Variants in TNR observed in about 807,000 individuals in gnomAD.
The protein encoded by TNR is tenascin R.
TNR carries 45 observed loss-of-function variants against 150.4 expected under a neutral mutation model. The ratio of observed to expected loss-of-function variants is 0.30; its 90% confidence interval spans 0.24 to 0.38. TNR has a LOEUF of 0.38. TNR is among the 10% of genes least tolerant of loss of function. The probability of loss-of-function intolerance (pLI) is 1.00; values close to 1 mark genes in which losing one functional copy is unlikely to be tolerated. For missense variants in TNR, 1,544 were observed against 1,759.1 expected (o/e 0.88, Z 2.19); for synonymous variants, 687 against 678.4 (o/e 1.01, Z -0.20).
chr1:175,663,318 G>A (rs1424955324), intron 1 of TNR, among the ~76,000 whole-genome samples: 1 of 152,194 alleles, frequency 6.6e-6, no homozygotes, highest in African/African-American at 2.4e-5. Context: ...TTCATTCCCA[G>A]GAGGAGTATG....
At chr1:175,653,291 C>A (rs988493280) in intron 1 of TNR, among the ~76,000 whole-genome samples, 2 of 152,172 alleles carry the variant, frequency 1.3e-5, no homozygotes, top group Non-Finnish European at 2.9e-5. Flanking sequence ...ACGTAGCCAA[C>A]GCATAGCATG....
intron 2 of TNR, among the ~76,000 whole-genome samples, chr1:175,465,834 T>A (rs1390543904): frequency 6.6e-6 from 1 of 152,140 alleles, no homozygotes; most frequent in African/African-American, 2.4e-5. Context: ...CAAGCCCCCC[T>A]CCTCTTATAA....
chr1:175,508,513 A>T (rs570775853), intron 2 of TNR, among the ~76,000 whole-genome samples: 3 of 152,266 alleles, frequency 2.0e-5, no homozygotes, highest in East Asian at 1.9e-4. Context: ...CACTTTTAAG[A>T]CTGGGTTATA....
intron 2 of TNR, among the ~76,000 whole-genome samples, chr1:175,425,073 G>T (rs543021330): frequency 1.3e-5 from 2 of 152,116 alleles, no homozygotes; most frequent in Non-Finnish European, 2.9e-5. Context: ...GCTCAGATTT[G>T]TGGATGCTAT....
intron 2 of TNR, among the ~76,000 whole-genome samples, chr1:175,439,248 A>G (rs1434567178): frequency 6.6e-6 from 1 of 152,080 alleles, no homozygotes; most frequent in Non-Finnish European, 1.5e-5. Flanking sequence ...GATCTTTGAC[A>G]AACCTGAGAA....
intron 2 of TNR, among the ~76,000 whole-genome samples, chr1:175,466,551 T>C (rs1657043360): frequency 6.6e-6 from 1 of 152,188 alleles, no homozygotes; most frequent in African/African-American, 2.4e-5. Context: ...TCTGTTCAGT[T>C]ACTGGGCCCT....
At chr1:175,446,715 C>T (rs965816014) in intron 2 of TNR, among the ~76,000 whole-genome samples, 2 of 152,104 alleles carry the variant, frequency 1.3e-5, no homozygotes, top group African/African-American at 4.8e-5. Flanking sequence ...AAATCTCGTT[C>T]TTGGTGCTCA....
chr1:175,573,344 G>A (rs1398181691), intron 1 of TNR, among the ~76,000 whole-genome samples: 2 of 152,252 alleles, frequency 1.3e-5, no homozygotes, highest in Non-Finnish European at 2.9e-5. Context: ...CAGGAAGCAG[G>A]GAGGTGAGGT....
chr1:175,326,106 G>A (rs1326437353), intron 21 of TNR, among the ~76,000 whole-genome samples: 1 of 152,170 alleles, frequency 6.6e-6, no homozygotes, highest in East Asian at 1.9e-4. Flanking sequence ...ACTGCTTAAA[G>A]AGGTGGTGAG....
At chr1:175,685,902 G>A (rs917342616) in intron 1 of TNR, among the ~76,000 whole-genome samples, 1 of 151,088 alleles carries the variant, frequency 6.6e-6, no homozygotes, top group Admixed American at 6.6e-5. Flanking sequence ...GTGTTGCTCA[G>A]AGATTTCATC....
Position 175,403,202 on chromosome 1 carries a change from C to T in TNR, c.914G>A (p.Gly305Glu), listed in dbSNP as rs1166454033. ...RQCLNACSGR[G>E]QCEEGLCVCE... The stretch of plus-strand genomic sequence containing the variant: ...GACGCAGAGCCCCTCCTCACATTGT[C>T]CTCGCCCACTGCAGGCATTCAGACA... Residue 305 changes from glycine to glutamate, a missense_variant, in exon 4 of 23, where the codon GGA (glycine) becomes GAA (glutamate). Physicochemically the swap from Gly to Glu is moderately conservative, Grantham distance 98. Transcript: ENST00000367674. 6.2e-7 allele frequency: 1 copy of T among 1,614,096 alleles called. No homozygotes were observed. The highest frequency in any genetic ancestry group is 2.2e-5 in the East Asian group (1 of 44,874).
At chr1:175,486,224 A>T (rs1658005597) in intron 2 of TNR, among the ~76,000 whole-genome samples, 1 of 151,644 alleles carries the variant, frequency 6.6e-6, no homozygotes, top group South Asian at 2.1e-4. Flanking sequence ...TGCTGCACCC[A>T]TCAACCCATC....
chr1:175,495,482 G>A (rs1199096716), intron 2 of TNR, among the ~76,000 whole-genome samples: 1 of 152,162 alleles, frequency 6.6e-6, no homozygotes, highest in African/African-American at 2.4e-5. Context: ...AGCTTTGTTA[G>A]GGAAACAAGA....
chr1:175,597,712 G>A (rs556050078), intron 1 of TNR, among the ~76,000 whole-genome samples: 2 of 152,252 alleles, frequency 1.3e-5, no homozygotes, highest in East Asian at 3.9e-4. Context: ...TGGGGGCATG[G>A]GGGCCCTAGT....
At chr1:175,710,640 A>G (rs1242141335) in intron 1 of TNR, among the ~76,000 whole-genome samples, 2 of 152,032 alleles carry the variant, frequency 1.3e-5, no homozygotes, top group African/African-American at 4.8e-5. Context: ...TTCCCTTAGC[A>G]GTTTCCTCAA....
In TNR at chr1:175,396,667, C is replaced by T; in HGVS notation, c.1117G>A (p.Val373Met). 1 of 1,614,268 alleles carries T rather than the reference C, an allele frequency of 6.2e-7. No individual in the cohort carries two copies. Among genetic ancestry groups the T allele is most frequent in the Non-Finnish European group, 8.5e-7 (1 of 1,180,054 alleles). Reference protein sequence around the residue: ...ALGGLQLQQRVPGDWSGVTIT... With the variant: ...ALGGLQLQQRMPGDWSGVTIT... ...GTGACACCACTCCAATCTCCAGGCA[C>T]CCGCTGCTGGAGCTGGAGGCCCCCC... The change falls in exon 5 of 23, where the codon GTG (valine) becomes ATG (methionine). Residue 373 changes from valine (V) to methionine (M), a missense_variant. Physicochemically the swap from Val to Met is conservative, Grantham distance 21. Around this residue, in one of 2 missense-constraint regions of TNR, gnomAD observed 1,254 missense variants for 1,329.4 expected, o/e 0.94. Coordinates refer to ENST00000367674, the MANE Select transcript of TNR (RefSeq NM_003285.3).
chr1:175,428,824 G>A (rs1367870895), intron 2 of TNR, among the ~76,000 whole-genome samples: 4 of 152,140 alleles, frequency 2.6e-5, no homozygotes, highest in African/African-American at 9.7e-5. Context: ...TTCTTGGTTT[G>A]ACATGACTCA....
chr1:175,623,569 C>T (rs987114347), intron 1 of TNR, among the ~76,000 whole-genome samples: 1 of 152,200 alleles, frequency 6.6e-6, no homozygotes, highest in African/African-American at 2.4e-5. Flanking sequence ...GGGACACCCA[C>T]ACTAACCTCT....
chr1:175,690,744 GAGA>G (rs1666336987), intron 1 of TNR, among the ~76,000 whole-genome samples: 1 of 152,206 alleles, frequency 6.6e-6, no homozygotes, highest in Admixed American at 6.5e-5. Flanking sequence ...GCTTTGCGCA[GAGA>G]AGTATTGGAG....
Sources: allele counts gnomAD v4.1 joint callset (sites outside exome capture counted in the v4.1 genomes callset), GRCh38; gene constraint gnomAD v4.1.1; regional missense constraint gnomAD v4.1.1; transcripts MANE v1.5; gene names NCBI Gene and HGNC (gene_info 2026-07-23, HGNC 2026-07-21).